TGFBR3: variants seen among roughly 807,000 people sequenced by gnomAD.
TGFBR3 encodes transforming growth factor beta receptor 3.
In TGFBR3, 46 loss-of-function variants were observed where a neutral mutation model predicts 87.9. The observed-to-expected ratio is 0.52, with a 90% CI of 0.41 to 0.67. TGFBR3 has a LOEUF of 0.67. Among genes scored for constraint, TGFBR3 ranks in the 30% least tolerant of loss-of-function variants. TGFBR3 has a pLI of 0.00. For missense variants in TGFBR3, 866 were observed against 1,041.9 expected (o/e 0.83, Z 2.32); for synonymous variants, 381 against 391.6 (o/e 0.97, Z 0.32).
At chr1:91,732,035 T>C (rs1345568528) in intron 5 of TGFBR3, among the ~76,000 whole-genome samples, 1 of 152,178 alleles carries the variant, frequency 6.6e-6, no homozygotes, top group African/African-American at 2.4e-5. Context: ...CAAAGGGGAA[T>C]TCCCGGGTAG....
At chr1:91,847,071 TG>T (rs1677531137) in intron 2 of TGFBR3, among the ~76,000 whole-genome samples, 2 of 152,184 alleles carry the variant, frequency 1.3e-5, no homozygotes. Context: ...AAAACAGTGA[TG>T]AGGCCAGAGA....
At chr1:91,708,872 T>G (rs1195030172) in intron 13 of TGFBR3, 89 bp from the exon 14 acceptor site, 1 of 1,550,636 alleles carries the variant, frequency 6.4e-7, no homozygotes, top group Admixed American at 1.9e-5. Flanking sequence ...TGTGGCCTTT[T>G]ATCAGACAGC....
intron 12 of TGFBR3, 60 bp from the exon 13 acceptor site, chr1:91,712,602 C>T: frequency 6.5e-7 from 1 of 1,543,332 alleles, no homozygotes; most frequent in Non-Finnish European, 8.9e-7. Flanking sequence ...TCACTTTAGG[C>T]ACAAGGACCA....
chr1:91,755,480 G>C (rs1488664029), intron 4 of TGFBR3, among the ~76,000 whole-genome samples: 1 of 152,166 alleles, frequency 6.6e-6, no homozygotes, highest in Admixed American at 6.5e-5. Flanking sequence ...AAGCCTGCTG[G>C]ACAACAAAGC....
chr1:91,703,522 A>C (rs977669298), intron 14 of TGFBR3, among the ~76,000 whole-genome samples: 4 of 152,286 alleles, frequency 2.6e-5, no homozygotes, highest in Non-Finnish European at 4.4e-5. Flanking sequence ...ATCACGGCAA[A>C]TTTTGGAATG....
intron 7 of TGFBR3, among the ~76,000 whole-genome samples, chr1:91,725,153 C>T (rs935066896): frequency 1.3e-5 from 2 of 152,142 alleles, no homozygotes; most frequent in African/African-American, 4.8e-5. Flanking sequence ...CCAATGTTCC[C>T]ATTCTTGCCC....
At chr1:91,874,557 G>A (rs1157309971) in intron 1 of TGFBR3, among the ~76,000 whole-genome samples, 1 of 152,176 alleles carries the variant, frequency 6.6e-6, no homozygotes, top group South Asian at 2.1e-4. Context: ...GAGTGCAGTG[G>A]TGCAATCTCA....
intron 2 of TGFBR3, among the ~76,000 whole-genome samples, chr1:91,860,893 T>C (rs955246566): frequency 1.8e-4 from 23 of 129,722 alleles, no homozygotes; most frequent in Admixed American, 2.8e-4. Flanking sequence ...GATCAGGCCA[T>C]TGCACTCCAG....
rs17886978 is a variant in TGFBR3 at position 91,741,972 on chromosome 1, C to T, written c.385-7013G>A. ...GGCGCATGACTGAAGTGCCTCTGCC[C>T]GCCCTCATCTCATGCCACCCTCCCA... On this transcript the variant is annotated intron_variant, in intron 4 of 16. Transcript: ENST00000212355. 2.1e-3 allele frequency among the ~76,000 whole-genome samples: 327 copies of T among 152,164 alleles called. 2 individuals are homozygous for T. The highest frequency in any genetic ancestry group is 7.6e-3 in the African/African-American group (315 of 41,522).
intron 7 of TGFBR3, among the ~76,000 whole-genome samples, chr1:91,725,216 T>C (rs563024015): frequency 6.6e-6 from 1 of 152,144 alleles, no homozygotes; most frequent in Non-Finnish European, 1.5e-5. Flanking sequence ...GGAGGACACA[T>C]TCTGCCCATG....
At chr1:91,746,008 T>C (rs1324168829) in intron 4 of TGFBR3, among the ~76,000 whole-genome samples, 3 of 152,220 alleles carry the variant, frequency 2.0e-5, no homozygotes, top group African/African-American at 7.2e-5. Context: ...TATTACTTTT[T>C]CTCAAAACAT....
At chr1:91,791,705 C>A (rs1675199118) in intron 3 of TGFBR3, among the ~76,000 whole-genome samples, 1 of 152,204 alleles carries the variant, frequency 6.6e-6, no homozygotes. Context: ...ACTGTAGAAT[C>A]CAACAGACAC....
intron 2 of TGFBR3, among the ~76,000 whole-genome samples, chr1:91,798,853 G>A (rs17880248): frequency 0.01 from 1,525 of 152,350 alleles, 35 homozygotes; most frequent in African/African-American, 0.035. Flanking sequence ...GGATTTGGCT[G>A]TAGGGAATAA....
chr1:91,816,594 C>G (rs1676234355), intron 2 of TGFBR3, among the ~76,000 whole-genome samples: 1 of 152,196 alleles, frequency 6.6e-6, no homozygotes, highest in Non-Finnish European at 1.5e-5. Flanking sequence ...CCTATTTCAG[C>G]TATTGAGTCT....
chr1:91,732,565 T>C (rs1672811923), intron 5 of TGFBR3, among the ~76,000 whole-genome samples: 1 of 152,024 alleles, frequency 6.6e-6, no homozygotes, highest in Non-Finnish European at 1.5e-5. Context: ...TTCTGGGAAG[T>C]GGGGGATGAA....
upstream of TGFBR3, among the ~76,000 whole-genome samples, chr1:91,887,678 C>T (rs960558751): frequency 1.7e-4 from 26 of 152,142 alleles, no homozygotes; most frequent in African/African-American, 6.0e-4. Context: ...TCCTCTTGTA[C>T]CTATAGGCAG....
At chr1:91,726,140 T>G (rs1186859063) in intron 7 of TGFBR3, among the ~76,000 whole-genome samples, 3 of 152,138 alleles carry the variant, frequency 2.0e-5, no homozygotes, top group African/African-American at 7.2e-5. Flanking sequence ...CCTTTCTGAT[T>G]CATATGAGAG....
At chr1:91,890,451 G>A (rs562689779), upstream of TGFBR3, among the ~76,000 whole-genome samples, 12 of 83,158 alleles carry the variant, frequency 1.4e-4, no homozygotes, top group South Asian at 1.2e-3. Flanking sequence ...CACAGTTTCC[G>A]TCTTGTTGCC....
Position 91,878,281 on chromosome 1 carries a change from G to GA in TGFBR3, c.-114+7596dup, listed in dbSNP as rs11288871. 5.8e-3 allele frequency among the ~76,000 whole-genome samples: 711 copies of GA among 123,578 alleles called. 2 individuals are homozygous for GA. Among genetic ancestry groups the GA allele is most frequent in the African/African-American group, 0.011 (370 of 32,766 alleles). The allele number at this position is 123,578 out of a possible 152,430, so 81.1% of individuals were successfully genotyped here. On this transcript the variant is annotated intron_variant, in intron 1 of 16. Transcript: ENST00000212355. ...CTCAAATAACCTTCCAGAATGAAAA[G>GA]AAAAAAAAAAAAAACACACATTCTG...
Sources: allele counts gnomAD v4.1 joint callset (sites outside exome capture counted in the v4.1 genomes callset), GRCh38; gene constraint gnomAD v4.1.1; transcripts MANE v1.5; gene names NCBI Gene and HGNC (gene_info 2026-07-23, HGNC 2026-07-21).